ABLIM2: variants seen among roughly 807,000 people sequenced by gnomAD.
The protein encoded by ABLIM2 is actin binding LIM protein family member 2, also known as actin-binding LIM protein 2.
ABLIM2 carries 53 observed loss-of-function variants against 97.7 expected under a neutral mutation model. The ratio of observed to expected loss-of-function variants is 0.54; its 90% CI spans 0.44 to 0.68. The LOEUF (loss-of-function observed/expected upper bound fraction) is 0.68. Ranked by LOEUF, ABLIM2 falls within the 30% of genes least tolerant of loss-of-function variation. The pLI is 0.00. For missense variants in ABLIM2, 835 were observed against 867.2 expected, an observed-to-expected ratio of 0.96 and a Z score of 0.47; for synonymous variants, 361 against 345.8, an observed-to-expected ratio of 1.04 and a Z score of -0.49.
At chr4:8,084,175 T>C (rs1302048706) in intron 4 of ABLIM2, among the ~76,000 whole-genome samples, 1 of 152,184 alleles carries the variant, frequency 6.6e-6, no homozygotes, top group Non-Finnish European at 1.5e-5. Context: ...GAACCTGTAC[T>C]GAGGAAGAAA....
At chr4:8,108,704 C>G (rs774246077) in intron 1 of ABLIM2, among the ~76,000 whole-genome samples, 1 of 152,264 alleles carries the variant, frequency 6.6e-6, no homozygotes, top group Non-Finnish European at 1.5e-5. Flanking sequence ...CCGAGGCCGA[C>G]AGCCTCCATG....
chr4:8,135,288 T>C (rs961650064), intron 1 of ABLIM2, among the ~76,000 whole-genome samples: 11 of 152,092 alleles, frequency 7.2e-5, no homozygotes, highest in African/African-American at 2.4e-4. Context: ...CAACTAGGGG[T>C]AACCGGGGCA....
chr4:8,003,741 G>A lies in ABLIM2; in HGVS notation c.1618+4318C>T, dbSNP rs1467103485. 1.3e-5 allele frequency among the ~76,000 whole-genome samples: 2 copies of A among 151,814 alleles called. No individual in the cohort carries two copies. Among genetic ancestry groups the A allele is most frequent in the African/African-American group, 4.8e-5 (2 of 41,348 alleles). On this transcript the variant is annotated intron_variant, in intron 16 of 20. Transcript: ENST00000447017. The surrounding 1 kb of genome is among the most constrained non-coding windows in gnomAD (Gnocchi z 4.2). ...CCACCATGCCTGGCTGATTTTTTGT[G>A]TTTAGTAGAGACGGGGTTTCACCAT...
At chr4:7,994,367 C>G (rs1231294698) in intron 16 of ABLIM2, among the ~76,000 whole-genome samples, 1 of 25,918 alleles carries the variant, frequency 3.9e-5, no homozygotes, top group African/African-American at 9.4e-5. Flanking sequence ...TTTGTTCTTG[C>G]GATAGTTTAC....
At chr4:8,070,012 G>C (rs1810764837) in intron 6 of ABLIM2, among the ~76,000 whole-genome samples, 1 of 152,036 alleles carries the variant, frequency 6.6e-6, no homozygotes. Flanking sequence ...GTGTCCTTTT[G>C]TGTGTTTGTG....
chr4:8,100,846 T>G (rs568485240), intron 2 of ABLIM2, among the ~76,000 whole-genome samples: 6 of 151,456 alleles, frequency 4.0e-5, no homozygotes, highest in Admixed American at 2.0e-4. Context: ...CATCCAACAG[T>G]GCAAGAGTGA....
Position 8,155,005 on chromosome 4 carries a change from A to C in ABLIM2, c.10+3675T>G, listed in dbSNP as rs535030355. 2.6e-5 allele frequency among the ~76,000 whole-genome samples: 4 copies of C among 152,298 alleles called. No homozygotes were observed. The South Asian group carries it at 6.2e-4, about 24-fold the overall frequency. On this transcript the variant is annotated intron_variant, in intron 1 of 20. Coordinates refer to ENST00000447017, the MANE Select transcript of ABLIM2 (RefSeq NM_001130083.2). The surrounding 1 kb of genome is among the most constrained non-coding windows in gnomAD (Gnocchi z 4.2). ...GCTATCGCCAGCCTTAATCACCACC[A>C]TGAGAACAGTATGGGGGAAACCACC...
intron 20 of ABLIM2, among the ~76,000 whole-genome samples, chr4:7,976,992 T>G (rs1354363089): frequency 6.6e-6 from 1 of 152,134 alleles, no homozygotes; most frequent in African/African-American, 2.4e-5. Flanking sequence ...CTGATATGGT[T>G]TGGCTGTGTC....
intron 7 of ABLIM2, among the ~76,000 whole-genome samples, chr4:8,059,711 G>A (rs1801630763): frequency 6.6e-6 from 1 of 151,884 alleles, no homozygotes; most frequent in Non-Finnish European, 1.5e-5. Context: ...AGACTAGCCC[G>A]ACCAACATGA....
chr4:7,975,203 G>A (rs1731982527), intron 20 of ABLIM2, among the ~76,000 whole-genome samples: 2 of 152,206 alleles, frequency 1.3e-5, no homozygotes, highest in African/African-American at 4.8e-5. Flanking sequence ...AGGTGACAGA[G>A]TGAGACCCTG....
At chr4:8,029,847 C>G in intron 10 of ABLIM2, 71 bp from the exon 11 acceptor site, 1 of 1,518,346 alleles carries the variant, frequency 6.6e-7, no homozygotes, top group Non-Finnish European at 8.9e-7. Context: ...ACCCATCCCC[C>G]GACACCATTT....
At chr4:8,121,116 C>T (rs1845216777) in intron 1 of ABLIM2, among the ~76,000 whole-genome samples, 1 of 152,212 alleles carries the variant, frequency 6.6e-6, no homozygotes, top group Admixed American at 6.5e-5. Flanking sequence ...TGGCTGGCTC[C>T]CTGGTCACTT....
chr4:8,056,112 C>CAAAAAAAAAAAAAAAAA lies in ABLIM2; in HGVS notation c.764-1883_764-1867dup, dbSNP rs60992903. Among the ~76,000 whole-genome samples, 172 of 68,334 alleles carry CAAAAAAAAAAAAAAAAA rather than the reference C, an allele frequency of 2.5e-3. 3 individuals carry two copies. Among genetic ancestry groups the CAAAAAAAAAAAAAAAAA allele is most frequent in the Middle Eastern group, 6.8e-3 (1 of 148 alleles). 44.8% of individuals were successfully genotyped at this position (68,334 alleles called of 152,430 possible). On this transcript the variant is annotated intron_variant, in intron 7 of 20. Transcript: ENST00000447017. ...TGGGTAACAGAGCAAGACTCTGTCT[C>CAAAAAAAAAAAAAAAAA]AAAAAAAAAAAAAAAAAAAAAAAAA...
At chr4:8,138,799 T>A (rs544365632) in intron 1 of ABLIM2, among the ~76,000 whole-genome samples, 24 of 152,206 alleles carry the variant, frequency 1.6e-4, no homozygotes, top group Admixed American at 1.6e-3. Flanking sequence ...GACACAGGTA[T>A]GGGCAAAGAT....
At chr4:8,088,055 A>G in intron 4 of ABLIM2, 114 bp downstream of exon 4, 2 of 220,268 alleles carry the variant, frequency 9.1e-6, no homozygotes, top group Non-Finnish European at 1.6e-5. Context: ...GCCCCCCAGC[A>G]CCTCCCACTC....
rs180841664 is a variant in ABLIM2 at position 7,986,320 on chromosome 4, C to G, written c.1681-1427G>C. ...AGAGCAGGAAGACCTCAGAGGGCAC[C>G]GAGTCCAAAGCCCTTTATCTGAAAC... On this transcript the variant is annotated intron_variant, in intron 17 of 20. Transcript: ENST00000447017. The surrounding 1 kb of genome is among the most constrained non-coding windows in gnomAD (Gnocchi z 4.3). Among the ~76,000 whole-genome samples, 1 of 152,248 alleles carries G rather than the reference C, an allele frequency of 6.6e-6. No individual in the cohort carries two copies. The highest frequency in any genetic ancestry group is 6.5e-5 in the Admixed American group (1 of 15,288).
At position 8,127,812 on chromosome 4, in the gene ABLIM2, C is replaced by T. The variant is rs1169412594; in HGVS notation, c.11-21175G>A. 1 of 756,638 alleles carries T rather than the reference C, an allele frequency of 1.3e-6. No individual in the cohort carries two copies. Among genetic ancestry groups the T allele is most frequent in the Admixed American group, 6.4e-5 (1 of 15,582 alleles). 46.9% of individuals were successfully genotyped at this position (756,638 alleles called of 1,614,324 possible). On this transcript the variant is annotated intron_variant, in intron 1 of 20. Transcript: ENST00000447017. This position sits in a 1 kb window ranked among gnomAD's most constrained non-coding sequence, Gnocchi z 7.3. The stretch of plus-strand genomic sequence containing the variant: ...ATGCGCCAGAGACACACCTGTCTCC[C>T]AGGCATCCGGGAAAGGGGCTCTGAA...
chr4:8,030,310 G>A (rs1212349227), intron 10 of ABLIM2, among the ~76,000 whole-genome samples: 1 of 152,174 alleles, frequency 6.6e-6, no homozygotes, highest in Non-Finnish European at 1.5e-5. Flanking sequence ...AGGAGCAGCT[G>A]TTTGCAGCAG....
intron 1 of ABLIM2, among the ~76,000 whole-genome samples, chr4:8,133,409 G>T (rs1410589951): frequency 6.6e-6 from 1 of 152,120 alleles, no homozygotes; most frequent in Non-Finnish European, 1.5e-5. Context: ...CCCCTGCGGG[G>T]TATCTCTTCT....
Sources: gnomAD v4.1 joint callset for allele counts (sites outside exome capture counted in the v4.1 genomes callset) on GRCh38, gnomAD v4.1.1 for gene constraint, Gnocchi (gnomAD v3.1) non-coding constraint, MANE v1.5 for transcripts, NCBI Gene and HGNC (gene_info 2026-07-23, HGNC 2026-07-21) for gene names.